The following PKLR variants were observed in gnomAD, a reference collection of about 807,000 sequenced individuals.
The protein encoded by PKLR is pyruvate kinase L/R.
Under a neutral mutation model 53.6 loss-of-function variants are expected in PKLR, and 38 were observed. The observed-to-expected ratio is 0.71, with a 90% CI of 0.55 to 0.93. The LOEUF is 0.93. Among genes scored for constraint, PKLR ranks in the 40% least tolerant of loss-of-function variants. The pLI is 0.00. For missense variants in PKLR, 702 were observed against 787.3 expected, an observed-to-expected ratio of 0.89 and a Z score of 1.30; for synonymous variants, 328 against 316.2, an observed-to-expected ratio of 1.04 and a Z score of -0.39.
rs900808020 is a variant in PKLR at position 155,293,120 on chromosome 1, G to A, written c.1436+57C>T. ...CAGACTAAACCCAAGCCTGGGGCCC[G>A]TCCCAGCCCACCCCTGACCCAAAGC... On this transcript the variant is annotated intron_variant, in intron 9 of 10. Transcript: ENST00000342741. This position sits in a 1 kb window ranked among gnomAD's most constrained non-coding sequence, Gnocchi z 4.2. The A allele has an allele frequency of 2.6e-5, 33 of 1,256,646 alleles. No individual in the cohort carries two copies. The highest frequency in any genetic ancestry group is 1.9e-4 in the Middle Eastern group (1 of 5,262). 77.8% of individuals were successfully genotyped at this position (1,256,646 alleles called of 1,614,324 possible). A position where few individuals can be genotyped will look rare whatever the true frequency, so the allele number is the denominator to read the frequency against.
chr1:155,300,363 T>C, intron 1 of PKLR, 83 bp from the exon 2 acceptor site: 1 of 1,107,090 alleles, frequency 9.0e-7, no homozygotes, highest in Non-Finnish European at 1.3e-6. Flanking sequence ...CCTCTGTTCC[T>C]TCCCTTCTTA....
the PKLR span, among the ~76,000 whole-genome samples, chr1:155,308,173 G>T: frequency 1.3e-4 from 20 of 149,836 alleles, no homozygotes; most frequent in African/African-American, 4.7e-4. Flanking sequence ...CGATTCTCCC[G>T]CCTCAGCCCT....
At chr1:155,306,765 G>A in the PKLR span, among the ~76,000 whole-genome samples, 31 of 152,252 alleles carry the variant, frequency 2.0e-4, no homozygotes, top group Non-Finnish European at 3.7e-4. This position sits in a 1 kb window ranked among gnomAD's most constrained non-coding sequence, Gnocchi z 4.2. Flanking sequence ...ATGAAGCCGC[G>A]GACCCTCGCA....
chr1:155,291,365 G>T (rs8177992), intron 10 of PKLR, among the ~76,000 whole-genome samples: 2 of 151,764 alleles, frequency 1.3e-5, no homozygotes, highest in Non-Finnish European at 2.9e-5. Flanking sequence ...GCGTGGTGGC[G>T]CATGCCTGTA....
intron 1 of PKLR, 138 bp downstream of exon 1, chr1:155,301,158 G>T: frequency 7.5e-7 from 1 of 1,325,322 alleles, no homozygotes; most frequent in Non-Finnish European, 1.1e-6. Context: ...CACACGGGAG[G>T]CTCTGAAGAA....
intron 1 of PKLR, chr1:155,300,789 G>T: frequency 6.9e-7 from 1 of 1,457,040 alleles, no homozygotes; most frequent in Non-Finnish European, 9.5e-7. Context: ...CATCCTCTGA[G>T]TCTCCCCAGG....
chr1:155,298,089 A>G (rs1438031451), intron 2 of PKLR, among the ~76,000 whole-genome samples: 1 of 151,706 alleles, frequency 6.6e-6, no homozygotes, highest in Non-Finnish European at 1.5e-5. Flanking sequence ...CTCTGTCACC[A>G]GGCTGGAGGA....
chr1:155,301,582 T>G (rs1647993749), upstream of PKLR: 2 of 666,784 alleles, frequency 3.0e-6, no homozygotes, highest in Non-Finnish European at 2.6e-6. Context: ...TTTCCTCTCA[T>G]CCTTTTTTCC....
At chr1:155,307,939 G>C in the PKLR span, among the ~76,000 whole-genome samples, 1 of 152,172 alleles carries the variant, frequency 6.6e-6, no homozygotes, top group East Asian at 1.9e-4. Context: ...AGCACACCTG[G>C]GTAATTTTTG....
At chr1:155,305,301 C>T (rs1250802243), upstream of PKLR, among the ~76,000 whole-genome samples, 3 of 152,166 alleles carry the variant, frequency 2.0e-5, no homozygotes, top group Non-Finnish European at 4.4e-5. Flanking sequence ...AAAGTCTTGT[C>T]AGGAGTGGAG....
At position 155,294,622 on chromosome 1, in the gene PKLR, C is replaced by A; in HGVS notation, c.825G>T (p.Gly275=). ...SEQDVRDLRF[G]VEHGVDIVFA... ...AGACGATGTCCACCCCATGCTCCAC[C>A]CCGAAGCGCAGGTCTCGGACGTCCT... is the stretch of plus-strand genomic sequence containing the variant. Residue 275 remains glycine (G), a synonymous_variant, in exon 6 of 11, where the codon GGG becomes GGT. Coordinates refer to ENST00000342741, the MANE Select transcript of PKLR (RefSeq NM_000298.6). The A allele has an allele frequency of 6.2e-7, 1 of 1,614,214 alleles. No individual in the cohort carries two copies. Among genetic ancestry groups the A allele is most frequent in the Non-Finnish European group, 8.5e-7 (1 of 1,180,036 alleles).
chr1:155,302,968 C>A (rs1648112538), upstream of PKLR, among the ~76,000 whole-genome samples: 1 of 152,258 alleles, frequency 6.6e-6, no homozygotes, highest in Non-Finnish European at 1.5e-5. Context: ...TCAAGTGGTC[C>A]TCCTGCCTTG....
chr1:155,304,434 C>CAAAAAAAAAAAAAAAAAAAAAA, upstream of PKLR, among the ~76,000 whole-genome samples: 1 of 62,222 alleles, frequency 1.6e-5, no homozygotes. Flanking sequence ...AACTGCGTCT[C>CAAAAAAAAAAAAAAAAAAAAAA]AAAAAAAAAA....
intron 1 of PKLR, 148 bp from the exon 2 acceptor site, chr1:155,300,428 C>A (rs1309142068): frequency 7.5e-6 from 5 of 670,268 alleles, no homozygotes; most frequent in African/African-American, 3.6e-5. Flanking sequence ...TCCTATAAAG[C>A]AGGTACTGTT....
chr1:155,307,740 G>A, the PKLR span, among the ~76,000 whole-genome samples: 1 of 152,192 alleles, frequency 6.6e-6, no homozygotes, highest in Non-Finnish European at 1.5e-5. Context: ...ACTTTCAGAG[G>A]TCGAGGTGGC....
intron 5 of PKLR, 68 bp from the exon 6 acceptor site, chr1:155,294,820 A>G (rs1647465962): frequency 2.0e-5 from 32 of 1,585,742 alleles, no homozygotes; most frequent in Non-Finnish European, 2.5e-5. Flanking sequence ...CAGAGAGGAC[A>G]CTGGGGCTTG....
At chr1:155,305,631 G>A (rs1648212903), upstream of PKLR, among the ~76,000 whole-genome samples, 2 of 152,136 alleles carry the variant, frequency 1.3e-5, no homozygotes, top group South Asian at 2.1e-4. Flanking sequence ...AGGATGGTCT[G>A]GCATTACTTT....
At chr1:155,308,629 C>A in the PKLR span, 1 of 985,460 alleles carries the variant, frequency 1.0e-6, no homozygotes, top group Non-Finnish European at 1.2e-6. Flanking sequence ...GGGACGTTCC[C>A]AGCCTGGCTC....
chr1:155,305,980 T>C (rs751377404), upstream of PKLR, among the ~76,000 whole-genome samples: 15 of 152,008 alleles, frequency 9.9e-5, no homozygotes, highest in Non-Finnish European at 1.8e-4. Flanking sequence ...CCAGAACCAG[T>C]TGGGAGGATA....
Sources: gnomAD v4.1 joint callset for allele counts (sites outside exome capture counted in the v4.1 genomes callset) on GRCh38, gnomAD v4.1.1 for gene constraint, Gnocchi (gnomAD v3.1) non-coding constraint, MANE v1.5 for transcripts, NCBI Gene and HGNC (gene_info 2026-07-23, HGNC 2026-07-21) for gene names.